PARG: variants seen among roughly 807,000 people sequenced by gnomAD.
PARG encodes the protein poly(ADP-ribose) glycohydrolase.
A neutral mutation model predicts 113.0 loss-of-function variants in PARG; 35 were observed. That is an observed-to-expected ratio of 0.31 (90% CI 0.24 to 0.41). The LOEUF (loss-of-function observed/expected upper bound fraction) is 0.41. Ranked by LOEUF, PARG falls within the 10% of genes least tolerant of loss-of-function variation. PARG has a pLI of 1.00. For synonymous variants in PARG, 330 were observed against 409.9 expected (o/e 0.81, Z 2.36); for missense variants, 797 against 1,169.4 (o/e 0.68, Z 4.64).
intron 6 of PARG, among the ~76,000 whole-genome samples, chr10:49,920,604 G>A (rs1175763649): frequency 6.8e-5 from 9 of 133,028 alleles, no homozygotes; most frequent in African/African-American, 1.4e-4. Context: ...ACATATATAC[G>A]TACATATATA....
chr10:49,838,326 G>A (rs140419983), intron 15 of PARG, among the ~76,000 whole-genome samples: 3 of 150,710 alleles, frequency 2.0e-5, no homozygotes, highest in African/African-American at 7.3e-5. Context: ...AGCTACTCAG[G>A]AGGCTGAGGC....
intron 7 of PARG, among the ~76,000 whole-genome samples, chr10:49,903,890 T>C (rs1554844203): frequency 6.6e-6 from 1 of 151,542 alleles, no homozygotes; most frequent in Non-Finnish European, 1.5e-5. Flanking sequence ...GCCATGGAGG[T>C]TTTAAGATCT....
In PARG at chr10:49,915,986, A is replaced by G. The variant is rs184765387; in HGVS notation, c.1668T>C (p.Ala556=). The G allele has an allele frequency of 1.3e-6, 2 of 1,535,284 alleles. No homozygotes were observed. The highest frequency in any genetic ancestry group is 1.2e-5 in the South Asian group (1 of 83,744). Residue 556 remains alanine, a synonymous_variant, in exon 7 of 18, where the codon GCT becomes GCC. Coordinates refer to ENST00000616448, the MANE Select transcript of PARG (RefSeq NM_003631.5). ...AATATGCCACATTGTATTTCAGAAT[A>G]GCATCCTGTGGAAAATGCAGAAACA... ...KFTRPQNLKD[A]ILKYNVAYSK...
Position 49,938,666 on chromosome 10 carries a change from G to C in PARG, c.217+2843C>G, listed in dbSNP as rs1307845157. ...TGCTCAGGCTGGACGGGAACTCCCG[G>C]GCTCAAGTGATCCTCTTGCCTTAGC... On this transcript the variant is annotated intron_variant, in intron 1 of 17. Transcript: ENST00000616448. 1.4e-4 allele frequency among the ~76,000 whole-genome samples: 21 copies of C among 151,884 alleles called. No individual in the cohort carries two copies. The East Asian group carries it at 2.9e-3, about 21-fold the overall frequency.
intron 7 of PARG, among the ~76,000 whole-genome samples, chr10:49,887,198 C>T (rs777133966): frequency 6.6e-6 from 1 of 151,970 alleles, no homozygotes; most frequent in Non-Finnish European, 1.5e-5. Context: ...ACTATACAGG[C>T]CTTTTTGCTT....
chr10:49,856,784 C>A (rs1231425680), intron 13 of PARG, among the ~76,000 whole-genome samples: 10 of 151,998 alleles, frequency 6.6e-5, no homozygotes, highest in East Asian at 3.9e-4. Flanking sequence ...CCGAGGCGGG[C>A]GGATCACCTG....
chr10:49,842,714 G>C (rs1845304228), intron 14 of PARG, among the ~76,000 whole-genome samples: 1 of 152,146 alleles, frequency 6.6e-6, no homozygotes, highest in Admixed American at 6.6e-5. Context: ...TTATAAACTT[G>C]CATATATTGC....
intron 16 of PARG, among the ~76,000 whole-genome samples, chr10:49,828,793 T>C (rs1397905670): frequency 6.6e-6 from 1 of 152,176 alleles, no homozygotes; most frequent in African/African-American, 2.4e-5. Flanking sequence ...GAGGATCCCT[T>C]GAGCCCAGGA....
chr10:49,895,119 T>G (rs1431972368), intron 7 of PARG, among the ~76,000 whole-genome samples: 3 of 152,186 alleles, frequency 2.0e-5, no homozygotes, highest in Non-Finnish European at 2.9e-5. Context: ...TAGTTACATC[T>G]GCAAAGACTG....
At chr10:49,911,393 A>G (rs1200472489) in intron 7 of PARG, among the ~76,000 whole-genome samples, 1 of 152,174 alleles carries the variant, frequency 6.6e-6, no homozygotes, top group African/African-American at 2.4e-5. Context: ...AAATGCCAGG[A>G]GTAAGTATAT....
intron 10 of PARG, among the ~76,000 whole-genome samples, chr10:49,866,071 G>C (rs1312637068): frequency 6.9e-6 from 1 of 145,536 alleles, no homozygotes; most frequent in African/African-American, 2.5e-5. Flanking sequence ...GGATCTAAAT[G>C]AAGTACTATT....
At chr10:49,906,640 T>A in intron 7 of PARG, among the ~76,000 whole-genome samples, 1 of 152,026 alleles carries the variant, frequency 6.6e-6, no homozygotes, top group South Asian at 2.1e-4. Context: ...ATTAATAGCA[T>A]CTAACTCATG....
chr10:49,819,270 T>C lies in PARG; in HGVS notation c.*70A>G, dbSNP rs1357877045. 4 of 1,247,288 alleles carry C rather than the reference T, an allele frequency of 3.2e-6. No individual in the cohort carries two copies. The highest frequency in any genetic ancestry group is 1.4e-5 in the South Asian group (1 of 69,786). The allele number at this position is 1,247,288 out of a possible 1,614,324, so 77.3% of individuals were successfully genotyped here. On this transcript the variant is annotated 3_prime_UTR_variant, in exon 18 of 18. Coordinates refer to ENST00000616448, the MANE Select transcript of PARG (RefSeq NM_003631.5). Reference sequence around the variant, plus strand: ...TTATATTAACTTAAGTCAATTCATATATTACACCTGACAGCTCAAACAGGA... The same window carrying C: ...TTATATTAACTTAAGTCAATTCATACATTACACCTGACAGCTCAAACAGGA...
At chr10:49,853,180 C>T (rs1310809884) in intron 13 of PARG, among the ~76,000 whole-genome samples, 4 of 151,630 alleles carry the variant, frequency 2.6e-5, no homozygotes, top group Admixed American at 2.6e-4. Context: ...ACTACAGGCA[C>T]CTGCCACCAG....
chr10:49,847,519 A>G (rs1845568619), intron 13 of PARG, among the ~76,000 whole-genome samples: 1 of 152,190 alleles, frequency 6.6e-6, no homozygotes, highest in Admixed American at 6.5e-5. Flanking sequence ...CAAACACAAG[A>G]AGGACAATCT....
chr10:49,881,442 T>C (rs1438166006), intron 8 of PARG, among the ~76,000 whole-genome samples: 4 of 152,248 alleles, frequency 2.6e-5, no homozygotes, highest in African/African-American at 9.6e-5. Context: ...TACCAGTTTA[T>C]CCTTCAGCTG....
chr10:49,885,620 A>G (rs1259523927), intron 7 of PARG, among the ~76,000 whole-genome samples: 2 of 152,250 alleles, frequency 1.3e-5, no homozygotes, highest in East Asian at 3.8e-4. Context: ...GGAAAACAGT[A>G]CATTCTGCCC....
At chr10:49,879,970 A>G in intron 8 of PARG, 140 bp from the exon 9 acceptor site, 1 of 581,100 alleles carries the variant, frequency 1.7e-6, no homozygotes, top group South Asian at 2.1e-5. Context: ...AATCAGCAAT[A>G]TTGTAAAAGT....
chr10:49,835,767 T>A (rs1358526794), intron 15 of PARG, among the ~76,000 whole-genome samples: 3 of 151,990 alleles, frequency 2.0e-5, no homozygotes, highest in African/African-American at 7.3e-5. Flanking sequence ...TTAAGTAAGA[T>A]CTTTGGCTTC....
Sources: gnomAD v4.1 joint callset for allele counts (sites outside exome capture counted in the v4.1 genomes callset) on GRCh38, gnomAD v4.1.1 for gene constraint, MANE v1.5 for transcripts, NCBI Gene and HGNC (gene_info 2026-07-23, HGNC 2026-07-21) for gene names.